SIK2: variants seen among roughly 807,000 people sequenced by gnomAD.
SIK2 encodes salt inducible kinase 2.
A neutral mutation model predicts 103.2 loss-of-function variants in SIK2; 29 were observed. The observed-to-expected ratio is 0.28, with a 90% confidence interval of 0.21 to 0.38. The LOEUF (loss-of-function observed/expected upper bound fraction) is 0.38, where lower values mean the gene tolerates loss of function less well. Ranked by LOEUF, SIK2 falls within the 10% of genes least tolerant of loss-of-function variation. SIK2 has a pLI of 1.00. For synonymous variants in SIK2, 412 were observed against 446.1 expected (o/e 0.92, Z 0.96); for missense variants, 879 against 1,171.0 (o/e 0.75, Z 3.64).
At chr11:111,642,154 CCA>C (rs1257230398) in intron 3 of SIK2, among the ~76,000 whole-genome samples, 1 of 152,162 alleles carries the variant, frequency 6.6e-6, no homozygotes, top group Non-Finnish European at 1.5e-5. Flanking sequence ...GGGGCTCCCT[CCA>C]CACCAACCAA....
At chr11:111,721,749 T>A (rs1004873190) in intron 12 of SIK2, 81 bp from the exon 13 acceptor site, 12 of 1,078,738 alleles carry the variant, frequency 1.1e-5, no homozygotes, top group African/African-American at 3.1e-5. Flanking sequence ...CTATTGGACA[T>A]TGCAAAGGTG....
Position 111,727,018 on chromosome 11 carries a change from G to A in SIK2, c.*2889G>A, listed in dbSNP as rs1943991498. 2 of 1,614,062 alleles carry A rather than the reference G, an allele frequency of 1.2e-6. No homozygotes were observed. Among genetic ancestry groups the A allele is most frequent in the Non-Finnish European group, 1.7e-6 (2 of 1,180,032 alleles). ...AGCTCTGCAATTCCCAGCTGGGCAAGTGTGTCTCTAGTATCTCCACGCAAC... is the reference window on the plus strand; with the variant it reads ...AGCTCTGCAATTCCCAGCTGGGCAAATGTGTCTCTAGTATCTCCACGCAAC... On this transcript the variant is annotated 3_prime_UTR_variant, in exon 15 of 15. Coordinates refer to ENST00000304987, the MANE Select transcript of SIK2 (RefSeq NM_015191.3).
intron 3 of SIK2, among the ~76,000 whole-genome samples, chr11:111,631,148 G>A (rs748896636): frequency 3.3e-5 from 5 of 152,162 alleles, no homozygotes; most frequent in Non-Finnish European, 5.9e-5. Context: ...ATTAGAGATT[G>A]TGCCAAGGAT....
intron 3 of SIK2, among the ~76,000 whole-genome samples, chr11:111,674,866 C>T (rs1033637784): frequency 6.6e-6 from 1 of 152,134 alleles, no homozygotes; most frequent in Non-Finnish European, 1.5e-5. Context: ...CCTGCCTCAG[C>T]CTCCCAAGTA....
Position 111,688,209 on chromosome 11 carries a change from G to A in SIK2, c.478+47G>A. 6.3e-7 allele frequency: 1 copy of A among 1,596,836 alleles called. No homozygotes were observed. Among genetic ancestry groups the A allele is most frequent in the Non-Finnish European group, 8.6e-7 (1 of 1,165,222 alleles). On this transcript the variant is annotated intron_variant, in intron 4 of 14. Transcript: ENST00000304987. The surrounding 1 kb of genome is among the most constrained non-coding windows in gnomAD (Gnocchi z 4.2). ...CTAATAAGATCCGAAGTGAGCCACT[G>A]CACTCAGTGTGTGGAAACAGACCTG...
At chr11:111,675,578 T>C (rs913842893) in intron 3 of SIK2, among the ~76,000 whole-genome samples, 4 of 152,212 alleles carry the variant, frequency 2.6e-5, no homozygotes, top group African/African-American at 4.8e-5. Context: ...AAACACATCA[T>C]AGTCAAGCCA....
intron 3 of SIK2, among the ~76,000 whole-genome samples, chr11:111,648,834 G>A (rs1391145166): frequency 1.3e-5 from 2 of 152,112 alleles, no homozygotes; most frequent in African/African-American, 4.8e-5. Context: ...AATAGGTACT[G>A]TATTTTCATC....
chr11:111,724,667 G>T lies in SIK2; in HGVS notation c.*538G>T. 6.4e-6 allele frequency: 1 copy of T among 156,782 alleles called. No individual in the cohort carries two copies. Among genetic ancestry groups the T allele is most frequent in the Admixed American group, 6.1e-5 (1 of 16,302 alleles). The allele number at this position is 156,782 out of a possible 1,614,324, so 9.7% of individuals were successfully genotyped here. On this transcript the variant is annotated 3_prime_UTR_variant, in exon 15 of 15. Transcript: ENST00000304987. ...GAATCCTAAGTTCTTAGCTGCTGAT[G>T]CAAGTTGTCCCCCAAGGCCATCACA...
intron 3 of SIK2, among the ~76,000 whole-genome samples, chr11:111,648,413 C>T (rs934511191): frequency 1.3e-5 from 2 of 152,092 alleles, no homozygotes; most frequent in African/African-American, 4.8e-5. Flanking sequence ...TGCATCCTCA[C>T]ACGGTGAGGG....
At chr11:111,704,659 G>T (rs918796809) in intron 7 of SIK2, among the ~76,000 whole-genome samples, 1 of 152,188 alleles carries the variant, frequency 6.6e-6, no homozygotes, top group Non-Finnish European at 1.5e-5. Flanking sequence ...TTACAGCTAT[G>T]AGATGGGGCC....
chr11:111,635,925 C>G lies in SIK2; in HGVS notation c.316+15523C>G, dbSNP rs184121323. ...TCAGCTATTCTGATCTTGGCCATAA[C>G]CATACCCAACTGAATTCTATTAATG... On this transcript the variant is annotated intron_variant, in intron 3 of 14. Transcript: ENST00000304987. Among the ~76,000 whole-genome samples the G allele has an allele frequency of 3.0e-3, 455 of 152,282 alleles. 7 individuals are homozygous for G. Among genetic ancestry groups the G allele is most frequent in the Non-Finnish European group, 4.6e-4 (31 of 68,018 alleles).
At chr11:111,647,417 C>G (rs926073296) in intron 3 of SIK2, among the ~76,000 whole-genome samples, 1 of 151,872 alleles carries the variant, frequency 6.6e-6, no homozygotes. Flanking sequence ...CAAAATACCC[C>G]TTTTTTCCAG....
intron 3 of SIK2, among the ~76,000 whole-genome samples, chr11:111,640,722 ATTTTTTTTTTTTTTTT>A (rs58052684): frequency 7.6e-5 from 5 of 65,908 alleles, no homozygotes; most frequent in Admixed American, 4.8e-4. Flanking sequence ...GAAACAGGCA[ATTTTTTTTTTTTTTTT>A]TTTTTTTTTT....
chr11:111,647,799 C>T (rs547526685), intron 3 of SIK2, among the ~76,000 whole-genome samples: 276 of 148,060 alleles, frequency 1.9e-3, no homozygotes, highest in Non-Finnish European at 2.8e-3. Flanking sequence ...ACCTGGGAGG[C>T]GGAGCTTGCA....
intron 8 of SIK2, among the ~76,000 whole-genome samples, chr11:111,706,132 GATA>G (rs754607654): frequency 3.7e-4 from 56 of 152,162 alleles, no homozygotes; most frequent in Non-Finnish European, 7.6e-4. Context: ...GTGTAATGGG[GATA>G]ATAATAGAAT....
intron 3 of SIK2, among the ~76,000 whole-genome samples, chr11:111,626,031 A>G (rs1425714770): frequency 6.6e-6 from 1 of 152,226 alleles, no homozygotes; most frequent in Admixed American, 6.5e-5. Context: ...ACATTGAGAC[A>G]TAATTTGGGG....
At chr11:111,652,221 A>G (rs1378146861) in intron 3 of SIK2, among the ~76,000 whole-genome samples, 1 of 152,208 alleles carries the variant, frequency 6.6e-6, no homozygotes, top group African/African-American at 2.4e-5. Flanking sequence ...AACACATAGA[A>G]CTTCAAGTCT....
At chr11:111,609,047 G>A (rs977041699) in intron 1 of SIK2, among the ~76,000 whole-genome samples, 1 of 149,660 alleles carries the variant, frequency 6.7e-6, no homozygotes, top group Non-Finnish European at 1.5e-5. Flanking sequence ...TTTACATTTT[G>A]TTACTTCAAT....
intron 1 of SIK2, among the ~76,000 whole-genome samples, chr11:111,614,224 C>T (rs556545791): frequency 1.1e-4 from 17 of 152,092 alleles, no homozygotes; most frequent in Admixed American, 7.9e-4. Context: ...CCTGGGATTA[C>T]AGGCACCCAC....
Sources: gnomAD v4.1 joint callset for allele counts (sites outside exome capture counted in the v4.1 genomes callset) on GRCh38, gnomAD v4.1.1 for gene constraint, Gnocchi (gnomAD v3.1) non-coding constraint, MANE v1.5 for transcripts, NCBI Gene and HGNC (gene_info 2026-07-23, HGNC 2026-07-21) for gene names.